Variants in TRPC7 observed in about 807,000 individuals in gnomAD.
TRPC7 encodes transient receptor potential cation channel subfamily C member 7.
Under a neutral mutation model 90.1 loss-of-function variants are expected in TRPC7, and 42 were observed. The ratio of observed to expected loss-of-function variants is 0.47; its 90% CI spans 0.36 to 0.60. The LOEUF (loss-of-function observed/expected upper bound fraction) is 0.60. Ranked by LOEUF, TRPC7 falls within the 20% of genes least tolerant of loss-of-function variation. TRPC7 has a pLI of 0.00. For missense variants in TRPC7, 955 were observed against 1,112.3 expected, an observed-to-expected ratio of 0.86 and a Z score of 2.01; for synonymous variants, 451 against 436.3, an observed-to-expected ratio of 1.03 and a Z score of -0.42.
chr5:136,285,365 T>C (rs1461645086), intron 3 of TRPC7, among the ~76,000 whole-genome samples: 1 of 152,184 alleles, frequency 6.6e-6, no homozygotes, highest in East Asian at 1.9e-4. Flanking sequence ...AATTGCAGCA[T>C]CAGACAGTCT....
chr5:136,306,670 A>C (rs549241906), intron 3 of TRPC7, among the ~76,000 whole-genome samples: 3 of 152,326 alleles, frequency 2.0e-5, no homozygotes, highest in Admixed American at 6.5e-5. Flanking sequence ...TAAAAATAAT[A>C]TTAACTGATG....
chr5:136,279,514 A>T (rs1489528079), intron 3 of TRPC7, among the ~76,000 whole-genome samples: 1 of 152,116 alleles, frequency 6.6e-6, no homozygotes, highest in Non-Finnish European at 1.5e-5. Context: ...GAGAGCTCAG[A>T]GGGTGCTGAT....
intron 7 of TRPC7, among the ~76,000 whole-genome samples, chr5:136,236,364 CTTGT>C (rs1026439874): frequency 7.2e-5 from 11 of 152,170 alleles, no homozygotes; most frequent in Non-Finnish European, 5.9e-5. Context: ...CTGAACAAGA[CTTGT>C]TTTTCTTCTA....
chr5:136,303,597 A>G (rs1758486237), intron 3 of TRPC7, among the ~76,000 whole-genome samples: 1 of 151,900 alleles, frequency 6.6e-6, no homozygotes, highest in Non-Finnish European at 1.5e-5. Context: ...AGTGCCAAAA[A>G]TCTGGCCACC....
At chr5:136,339,703 C>T (rs191236924) in intron 2 of TRPC7, among the ~76,000 whole-genome samples, 154 of 152,224 alleles carry the variant, frequency 1.0e-3, no homozygotes, top group African/African-American at 3.5e-3. Context: ...AACCTATCAG[C>T]AGTACCCATT....
At chr5:136,346,318 A>G (rs182119404) in intron 2 of TRPC7, among the ~76,000 whole-genome samples, 5 of 152,272 alleles carry the variant, frequency 3.3e-5, no homozygotes, top group Admixed American at 3.3e-4. Context: ...CTGCTCTTCT[A>G]TATTTTTTAA....
At chr5:136,314,607 G>A (rs1758950453) in intron 3 of TRPC7, among the ~76,000 whole-genome samples, 1 of 152,210 alleles carries the variant, frequency 6.6e-6, no homozygotes, top group East Asian at 1.9e-4. Flanking sequence ...ATCAAACTTG[G>A]AAACTCTCCC....
At chr5:136,222,645 G>T (rs1755497913) in intron 10 of TRPC7, among the ~76,000 whole-genome samples, 1 of 152,244 alleles carries the variant, frequency 6.6e-6, no homozygotes, top group African/African-American at 2.4e-5. Flanking sequence ...CCTCCTCACT[G>T]TGTGCTTGGA....
intron 7 of TRPC7, among the ~76,000 whole-genome samples, chr5:136,236,083 G>A (rs555663658): frequency 1.3e-5 from 2 of 152,318 alleles, no homozygotes; most frequent in East Asian, 3.9e-4. Context: ...CCAATAAATG[G>A]CAGCTATTAT....
intron 3 of TRPC7, among the ~76,000 whole-genome samples, chr5:136,301,443 T>C (rs1404269040): frequency 1.4e-5 from 2 of 147,736 alleles, no homozygotes; most frequent in Non-Finnish European, 3.0e-5. Flanking sequence ...CCAGATAGCC[T>C]GAAGTAACTG....
At chr5:136,214,600 A>G (rs1755200948) in intron 11 of TRPC7, among the ~76,000 whole-genome samples, 1 of 152,126 alleles carries the variant, frequency 6.6e-6, no homozygotes, top group Non-Finnish European at 1.5e-5. Flanking sequence ...TATTCACATG[A>G]ATCAGTTACA....
chr5:136,260,755 C>G (rs1177901090), intron 5 of TRPC7, among the ~76,000 whole-genome samples: 3 of 151,972 alleles, frequency 2.0e-5, no homozygotes, highest in Admixed American at 2.0e-4. Context: ...TGAGAACAGA[C>G]TGAGTCATGG....
rs559667701 is a variant in TRPC7 at position 136,259,521 on chromosome 5, C to T, written c.1345+6699G>A. 1.1e-4 allele frequency among the ~76,000 whole-genome samples: 16 copies of T among 152,314 alleles called. 1 individual carries two copies. The South Asian group carries it at 2.9e-3, about 28-fold the overall frequency. On this transcript the variant is annotated intron_variant, in intron 5 of 11. Coordinates refer to ENST00000513104, the MANE Select transcript of TRPC7 (RefSeq NM_020389.3). ...TACTCCTAGATGGAGAAATCTCATG[C>T]GTTATGGAGATGCTTGCTAGCTTCC...
chr5:136,314,894 G>A (rs1389519012), intron 3 of TRPC7, among the ~76,000 whole-genome samples: 1 of 152,184 alleles, frequency 6.6e-6, no homozygotes, highest in Non-Finnish European at 1.5e-5. Flanking sequence ...TCTAATAAAA[G>A]AGCAGATTCT....
At chr5:136,234,489 T>C (rs905675311) in intron 7 of TRPC7, among the ~76,000 whole-genome samples, 1 of 152,160 alleles carries the variant, frequency 6.6e-6, no homozygotes, top group Non-Finnish European at 1.5e-5. Flanking sequence ...TTTGTATTTT[T>C]AGTAGAGACG....
intron 3 of TRPC7, among the ~76,000 whole-genome samples, chr5:136,313,162 C>T (rs898381695): frequency 7.9e-5 from 12 of 151,988 alleles, no homozygotes; most frequent in Non-Finnish European, 1.3e-4. Context: ...AAAACAAAAA[C>T]AAAAGCTGTT....
chr5:136,224,976 C>T (rs1755581521), intron 10 of TRPC7, among the ~76,000 whole-genome samples: 1 of 152,144 alleles, frequency 6.6e-6, no homozygotes, highest in Non-Finnish European at 1.5e-5. Flanking sequence ...TTGAGTCCTC[C>T]TGTTTGCTTT....
chr5:136,326,239 T>G (rs11741438), intron 2 of TRPC7, among the ~76,000 whole-genome samples: 30,401 of 152,200 alleles, frequency 0.2, 4,352 homozygotes, highest in African/African-American at 0.39. Context: ...ACTTTGTGCA[T>G]TTTGTTCAAT....
At chr5:136,365,123 C>T in intron 1 of TRPC7, 130 bp downstream of exon 1, 1 of 1,030,060 alleles carries the variant, frequency 9.7e-7, no homozygotes, top group Non-Finnish European at 1.4e-6. Context: ...ATCTCAGATC[C>T]ATCTAAAAAT....
Sources: allele counts gnomAD v4.1 joint callset (sites outside exome capture counted in the v4.1 genomes callset), GRCh38; gene constraint gnomAD v4.1.1; transcripts MANE v1.5; gene names NCBI Gene and HGNC (gene_info 2026-07-23, HGNC 2026-07-21).